Variants in RARB observed in about 807,000 individuals in gnomAD.
RARB encodes retinoic acid receptor beta.
RARB carries 17 observed loss-of-function variants against 51.9 expected under a neutral mutation model. That is an observed-to-expected ratio of 0.33 (90% CI 0.22 to 0.49). The LOEUF (loss-of-function observed/expected upper bound fraction) is 0.49. Ranked by LOEUF, RARB falls within the 20% of genes least tolerant of loss-of-function variation. The pLI is 0.99. For synonymous variants in RARB, 215 were observed against 195.4 expected (o/e 1.10, Z -0.84); for missense variants, 369 against 550.8 (o/e 0.67, Z 3.30).
intron 2 of RARB, among the ~76,000 whole-genome samples, chr3:25,009,100 C>A (rs1697339735): frequency 6.6e-6 from 1 of 152,090 alleles, no homozygotes; most frequent in Admixed American, 6.6e-5. Flanking sequence ...CCCTCTAAAT[C>A]AGTAAAGACT....
At chr3:25,426,998 G>C (rs1025119423), upstream of RARB, among the ~76,000 whole-genome samples, 4 of 152,226 alleles carry the variant, frequency 2.6e-5, no homozygotes, top group Admixed American at 6.5e-5. Context: ...GCTGGAATGA[G>C]AGAAAACTGG....
intron 3 of RARB, among the ~76,000 whole-genome samples, chr3:25,062,981 T>G (rs1698580823): frequency 6.6e-6 from 1 of 151,960 alleles, no homozygotes; most frequent in African/African-American, 2.4e-5. Flanking sequence ...ACGACAAAAC[T>G]TGAGTCATAC....
intron 5 of RARB, among the ~76,000 whole-genome samples, chr3:25,407,585 T>A (rs1707446214): frequency 6.6e-6 from 1 of 152,166 alleles, no homozygotes; most frequent in Admixed American, 6.5e-5. Flanking sequence ...CCTATCTTAG[T>A]TCTGTTCTTG....
At chr3:25,099,925 T>A (rs539076654) in intron 3 of RARB, among the ~76,000 whole-genome samples, 1 of 152,232 alleles carries the variant, frequency 6.6e-6, no homozygotes, top group Non-Finnish European at 1.5e-5. Context: ...CTTTTCCTTA[T>A]GGACTACCTT....
chr3:25,156,935 G>A (rs1700384367), intron 4 of RARB, among the ~76,000 whole-genome samples: 1 of 152,246 alleles, frequency 6.6e-6, no homozygotes, highest in Non-Finnish European at 1.5e-5. Context: ...AAATATTGGA[G>A]CTAGGTCAGG....
intron 4 of RARB, among the ~76,000 whole-genome samples, chr3:25,149,458 CTT>C (rs1700247213): frequency 6.6e-6 from 1 of 152,206 alleles, no homozygotes; most frequent in African/African-American, 2.4e-5. Flanking sequence ...GGGTGAGTGA[CTT>C]CTCCAAACCA....
intron 5 of RARB, among the ~76,000 whole-genome samples, chr3:25,581,764 C>A (rs1701187606): frequency 6.6e-6 from 1 of 152,102 alleles, no homozygotes; most frequent in Non-Finnish European, 1.5e-5. Flanking sequence ...ATGAAGCCAC[C>A]AGAGCTCCCT....
chr3:24,916,471 A>C (rs925041596), intron 2 of RARB, among the ~76,000 whole-genome samples: 7 of 152,128 alleles, frequency 4.6e-5, no homozygotes, highest in Non-Finnish European at 1.0e-4. Flanking sequence ...CTCTGTTAGC[A>C]GAATGAAAGC....
At chr3:25,144,324 G>C (rs560175915) in intron 4 of RARB, among the ~76,000 whole-genome samples, 58 of 152,178 alleles carry the variant, frequency 3.8e-4, no homozygotes, top group Middle Eastern at 3.4e-3. Context: ...GTTACCTCAT[G>C]GGGAAGAGAG....
intron 5 of RARB, among the ~76,000 whole-genome samples, chr3:25,233,794 G>A (rs1702240024): frequency 1.3e-5 from 2 of 150,108 alleles, no homozygotes; most frequent in African/African-American, 4.9e-5. Context: ...ATGAATGGAT[G>A]TTGAATTTTG....
intron 5 of RARB, among the ~76,000 whole-genome samples, chr3:25,243,809 A>G (rs912335681): frequency 5.3e-5 from 8 of 152,098 alleles, no homozygotes; most frequent in African/African-American, 1.9e-4. Context: ...TGGTATCAGG[A>G]TGATGCTGGC....
rs560127804 is a variant in RARB, at chr3:24,933,532, A to C, written c.-380+74780A>C. On this transcript the variant is annotated intron_variant, in intron 2 of 11. Coordinates refer to the RARB transcript ENST00000383772. ...TCAGAGTTTTGCTTTTGCGGATCTG[A>C]CTTCCTCCAGGCAGGAGACGCAGTA... Among the ~76,000 whole-genome samples the C allele has an allele frequency of 4.3e-4, 65 of 152,120 alleles. 1 individual carries two copies. The South Asian group carries it at 0.012, about 29-fold the overall frequency.
intron 3 of RARB, among the ~76,000 whole-genome samples, chr3:25,098,532 A>T (rs1454123519): frequency 6.6e-6 from 1 of 152,208 alleles, no homozygotes; most frequent in Non-Finnish European, 1.5e-5. Flanking sequence ...ATTGTAAAGG[A>T]TTGCTGGGAA....
At chr3:24,849,542 A>C (rs887069182) in intron 1 of RARB, among the ~76,000 whole-genome samples, 2 of 152,212 alleles carry the variant, frequency 1.3e-5, no homozygotes, top group African/African-American at 4.8e-5. Flanking sequence ...ACCTTGTTTT[A>C]TGTGTGTTTC....
intron 5 of RARB, among the ~76,000 whole-genome samples, chr3:25,306,199 C>G (rs1309731986): frequency 6.6e-6 from 1 of 152,076 alleles, no homozygotes; most frequent in Non-Finnish European, 1.5e-5. Flanking sequence ...TTGATTGGGT[C>G]TCCGTGGCAG....
At chr3:25,366,510 T>C (rs1706123920) in intron 5 of RARB, among the ~76,000 whole-genome samples, 1 of 152,146 alleles carries the variant, frequency 6.6e-6, no homozygotes, top group South Asian at 2.1e-4. Flanking sequence ...TGTGTGTAGA[T>C]AGCACAAAGA....
chr3:25,173,696 G>T (rs1700686586), intron 4 of RARB, among the ~76,000 whole-genome samples: 2 of 152,004 alleles, frequency 1.3e-5, no homozygotes, highest in African/African-American at 4.8e-5. Flanking sequence ...ACATACTCAG[G>T]GTCTATCCCT....
At chr3:25,558,606 C>T (rs1054561286) in intron 3 of RARB, among the ~76,000 whole-genome samples, 2 of 148,026 alleles carry the variant, frequency 1.4e-5, no homozygotes, top group Admixed American at 6.8e-5. Context: ...CAACAGTCAT[C>T]TCTAAGGTTT....
intron 3 of RARB, among the ~76,000 whole-genome samples, chr3:25,089,516 A>C (rs895245251): frequency 2.0e-5 from 3 of 152,086 alleles, no homozygotes; most frequent in African/African-American, 7.2e-5. Flanking sequence ...TGAAAAGAGT[A>C]TGTTGAAATA....
Sources: allele counts gnomAD v4.1 joint callset (sites outside exome capture counted in the v4.1 genomes callset), GRCh38; gene constraint gnomAD v4.1.1; transcripts MANE v1.5; gene names NCBI Gene and HGNC (gene_info 2026-07-23, HGNC 2026-07-21).